The following RUFY3 variants were observed in gnomAD, a reference collection of about 807,000 sequenced individuals.
RUFY3 encodes RUN and FYVE domain containing 3.
In RUFY3, 34 loss-of-function variants were observed where a neutral mutation model predicts 84.0. The observed-to-expected ratio is 0.40, with a 90% CI of 0.31 to 0.54. The LOEUF is 0.54. Ranked by LOEUF, RUFY3 falls within the 20% of genes least tolerant of loss-of-function variation. RUFY3 has a pLI of 0.39. For synonymous variants in RUFY3, 242 were observed against 252.9 expected, an observed-to-expected ratio of 0.96 and a Z score of 0.41; for missense variants, 507 against 736.8, an observed-to-expected ratio of 0.69 and a Z score of 3.61.
chr4:70,791,091 A>T, intron 12 of RUFY3: 2 of 706,780 alleles, frequency 2.8e-6, no homozygotes, highest in Non-Finnish European at 4.7e-6. Context: ...CTTGGAATTT[A>T]AAGCAAACAG....
chr4:70,764,063 A>C (rs1725443742), intron 3 of RUFY3, among the ~76,000 whole-genome samples: 2 of 152,216 alleles, frequency 1.3e-5, no homozygotes, highest in Non-Finnish European at 2.9e-5. Flanking sequence ...CTGCCTTAGA[A>C]CTATAAAGTA....
intron 3 of RUFY3, 60 bp from the exon 4 acceptor site, chr4:70,764,415 A>C: frequency 8.9e-7 from 1 of 1,124,288 alleles, no homozygotes; most frequent in Admixed American, 1.8e-5. Flanking sequence ...AACTGATTCT[A>C]CTGTAGCCTT....
chr4:70,730,510 G>A lies in RUFY3; in HGVS notation c.178+7759G>A, dbSNP rs561733183. Reference sequence around the variant, plus strand: ...TCCCAGCACTTTGGGAGGCTGAGGCGGGTGGATCACCTGAGGTCAGGAGTT... The same window carrying A: ...TCCCAGCACTTTGGGAGGCTGAGGCAGGTGGATCACCTGAGGTCAGGAGTT... On this transcript the variant is annotated intron_variant, in intron 1 of 17. Transcript: ENST00000381006. Among the ~76,000 whole-genome samples the A allele has an allele frequency of 2.0e-5, 3 of 150,954 alleles. No individual in the cohort carries two copies. The East Asian group carries it at 5.8e-4, about 29-fold the overall frequency.
Position 70,808,384 on chromosome 4 carries a change from C to A in RUFY3, c.*1725C>A, listed in dbSNP as rs112663080. 2.2e-3 allele frequency among the ~76,000 whole-genome samples: 340 copies of A among 152,176 alleles called. 2 individuals are homozygous for A. The highest frequency in any genetic ancestry group is 7.8e-3 in the African/African-American group (323 of 41,536). On this transcript the variant is annotated 3_prime_UTR_variant, in exon 18 of 18. Coordinates refer to ENST00000381006, the MANE Select transcript of RUFY3 (RefSeq NM_001037442.4). ...ATTACATAATATTTTGATTCTGTTACGTGTGTCTATAGATTGTTTCATTCT... is the reference window on the plus strand; with the variant it reads ...ATTACATAATATTTTGATTCTGTTAAGTGTGTCTATAGATTGTTTCATTCT...
At chr4:70,744,145 T>C (rs1721761893) in intron 1 of RUFY3, among the ~76,000 whole-genome samples, 1 of 152,230 alleles carries the variant, frequency 6.6e-6, no homozygotes, top group South Asian at 2.1e-4. Flanking sequence ...ATGCTGTTTC[T>C]CATCTGTTAT....
At chr4:70,745,878 G>A (rs886923880) in intron 1 of RUFY3, among the ~76,000 whole-genome samples, 1 of 152,146 alleles carries the variant, frequency 6.6e-6, no homozygotes, top group Non-Finnish European at 1.5e-5. Context: ...TTGACGTCAG[G>A]AGTTCAAGAC....
At chr4:70,761,419 T>C (rs1327327266) in intron 1 of RUFY3, among the ~76,000 whole-genome samples, 2 of 152,332 alleles carry the variant, frequency 1.3e-5, no homozygotes, top group South Asian at 2.1e-4. Context: ...TCTGTGCCCA[T>C]GGGCCGGCTG....
At chr4:70,778,058 C>A (rs775970192) in intron 7 of RUFY3, among the ~76,000 whole-genome samples, 1 of 151,960 alleles carries the variant, frequency 6.6e-6, no homozygotes, top group Non-Finnish European at 1.5e-5. Flanking sequence ...ATGGTGCAAC[C>A]CCATCTCCAC....
rs560084972 is a variant in RUFY3 at position 70,768,130 on chromosome 4, G to A, written c.573-408G>A. On this transcript the variant is annotated intron_variant, in intron 4 of 17. Transcript: ENST00000381006. ...GATTACAGGTGCGAACCACCATGCC[G>A]AGCTACCAAACAAATGTTTTAAGAT... 2.1e-3 allele frequency among the ~76,000 whole-genome samples: 312 copies of A among 152,154 alleles called. 2 individuals are homozygous for A. The highest frequency in any genetic ancestry group is 5.4e-3 in the Admixed American group (82 of 15,266).
chr4:70,704,992 C>G, exon 1 of RUFY3: 2 of 1,224,400 alleles, frequency 1.6e-6, no homozygotes, highest in Non-Finnish European at 2.0e-6. Flanking sequence ...AGCGAGGAGC[C>G]GGCGAGGGGC....
chr4:70,794,902 T>G lies in RUFY3; in HGVS notation c.1557+8T>G. ...AAGTCAGAATCCAAGATGGTAATAT[T>G]TGCTATTCCCTTGTTCTTTTACTTA... On this transcript the variant is annotated splice_region_variant and intron_variant, in intron 14 of 17. Coordinates refer to ENST00000381006, the MANE Select transcript of RUFY3 (RefSeq NM_001037442.4). 3.9e-6 allele frequency: 6 copies of G among 1,533,552 alleles called. No individual in the cohort carries two copies. Among genetic ancestry groups the G allele is most frequent in the Non-Finnish European group, 5.4e-6 (6 of 1,110,126 alleles). The allele number at this position is 1,533,552 out of a possible 1,614,324, so 95.0% of individuals were successfully genotyped here.
At chr4:70,728,147 C>G (rs1227402864) in intron 1 of RUFY3, among the ~76,000 whole-genome samples, 1 of 152,168 alleles carries the variant, frequency 6.6e-6, no homozygotes, top group Non-Finnish European at 1.5e-5. Flanking sequence ...CTTAACACAC[C>G]TACTCTACTG....
chr4:70,806,391 C>A, intron 17 of RUFY3, 125 bp from the exon 18 acceptor site: 1 of 1,090,476 alleles, frequency 9.2e-7, no homozygotes, highest in Non-Finnish European at 1.3e-6. Context: ...CTACCTGGCA[C>A]ATAGTAAACA....
chr4:70,791,475 A>C, intron 12 of RUFY3: 1 of 1,394,226 alleles, frequency 7.2e-7, no homozygotes, highest in Non-Finnish European at 9.3e-7. Flanking sequence ...TTTTTTTCTT[A>C]TTGTTTTCTC....
intron 4 of RUFY3, among the ~76,000 whole-genome samples, chr4:70,767,641 A>T (rs1485785233): frequency 6.6e-6 from 1 of 152,072 alleles, no homozygotes; most frequent in East Asian, 1.9e-4. Context: ...TTAGTAATTT[A>T]GGTGCATTAT....
At position 70,793,641 on chromosome 4, in the gene RUFY3, C is replaced by T. The variant is rs1578242364; in HGVS notation, c.1338-144C>T. The T allele has an allele frequency of 2.5e-5, 38 of 1,507,004 alleles. No individual in the cohort carries two copies. The South Asian group carries it at 4.8e-4, about 19-fold the overall frequency. 93.4% of individuals were successfully genotyped at this position (1,507,004 alleles called of 1,614,324 possible). On this transcript the variant is annotated intron_variant, in intron 12 of 17. Transcript: ENST00000381006. ...CATCTTTTCCCCCCCATAATTTCTTCACCTGTGTCCTGCAAAGTTTTTTTC... is the reference window on the plus strand; with the variant it reads ...CATCTTTTCCCCCCCATAATTTCTTTACCTGTGTCCTGCAAAGTTTTTTTC...
chr4:70,778,533 CTT>C, intron 8 of RUFY3, 95 bp downstream of exon 8: 1 of 542,698 alleles, frequency 1.8e-6, no homozygotes. Context: ...AAGAACTTGA[CTT>C]TTCAAATAAT....
intron 12 of RUFY3, chr4:70,793,126 TC>T: frequency 1.0e-6 from 1 of 985,428 alleles, no homozygotes; most frequent in Non-Finnish European, 1.2e-6. Flanking sequence ...GAGAATATGG[TC>T]AGAGTCTTAA....
chr4:70,784,253 G>A (rs1170173116), intron 9 of RUFY3, among the ~76,000 whole-genome samples: 2 of 152,188 alleles, frequency 1.3e-5, no homozygotes, highest in East Asian at 3.8e-4. Context: ...GGAGGCCAAG[G>A]AGGCAGATCA....
Sources: allele counts gnomAD v4.1 joint callset (sites outside exome capture counted in the v4.1 genomes callset), GRCh38; gene constraint gnomAD v4.1.1; transcripts MANE v1.5; gene names NCBI Gene and HGNC (gene_info 2026-07-23, HGNC 2026-07-21).